The following HMGA2 variants were observed in gnomAD, a reference collection of about 807,000 sequenced individuals.
The protein encoded by HMGA2 is high mobility group AT-hook 2, also known as high mobility group protein HMGI-C.
In HMGA2, 8 loss-of-function variants were observed where a neutral mutation model predicts 19.1. That is an observed-to-expected ratio of 0.42 (90% CI 0.25 to 0.76). HMGA2 has a LOEUF of 0.76. Ranked by LOEUF, HMGA2 falls within the 30% of genes least tolerant of loss-of-function variation. HMGA2 has a pLI of 0.28. For synonymous variants in HMGA2, 60 were observed against 48.8 expected (o/e 1.23, Z -0.96); for missense variants, 109 against 136.3 (o/e 0.80, Z 1.00).
chr12:65,893,544 C>T (rs1874002618), intron 3 of HMGA2, among the ~76,000 whole-genome samples: 1 of 152,152 alleles, frequency 6.6e-6, no homozygotes, highest in South Asian at 2.1e-4. Flanking sequence ...AAACCACCTC[C>T]TTGTTAGAGA....
intron 3 of HMGA2, among the ~76,000 whole-genome samples, chr12:65,905,297 T>G (rs752129992): frequency 9.9e-5 from 15 of 152,100 alleles, no homozygotes; most frequent in Admixed American, 3.3e-4. Flanking sequence ...GAAATTGCCG[T>G]TTTTGTAGGT....
rs1198503538 is a variant in HMGA2, at chr12:65,964,334, TCTCTCTTC to T, written c.*1048_*1055del. 7.1e-5 allele frequency: 15 copies of T among 211,562 alleles called. No homozygotes were observed. In the East Asian group the frequency reaches 1.1e-3, roughly 15 times the overall value. The allele number at this position is 211,562 out of a possible 1,614,324, so 13.1% of individuals were successfully genotyped here. ...CAATCTCTCTCTGTGTCTTTCTCTC[TCTCTCTTC>T]CTCTCCCTCTCTCTTTTCATTGTGT... On this transcript the variant is annotated 3_prime_UTR_variant, in exon 5 of 5. Coordinates refer to ENST00000403681, the MANE Select transcript of HMGA2 (RefSeq NM_003483.6).
Position 65,965,872 on chromosome 12 carries a change from A to G in HMGA2, c.*2580A>G, listed in dbSNP as rs1876893790. 9.3e-6 allele frequency: 2 copies of G among 214,676 alleles called. No individual in the cohort carries two copies. Among genetic ancestry groups the G allele is most frequent in the South Asian group, 3.7e-4 (2 of 5,340 alleles). 13.3% of individuals were successfully genotyped at this position (214,676 alleles called of 1,614,324 possible). ...TACTGAAAAAAAAAGCTTGTGGCCA[A>G]TGGAACAGTAAGAACATCATAAAAT... is the stretch of plus-strand genomic sequence containing the variant. On this transcript the variant is annotated 3_prime_UTR_variant, in exon 5 of 5. Coordinates refer to ENST00000403681, the MANE Select transcript of HMGA2 (RefSeq NM_003483.6).
rs2120891888 is a variant in HMGA2, at chr12:65,842,450, T to C, written c.249+3881T>C. ...ACCAGTAGTTACACATAGAATGAAG[T>C]AACAGAGTTATATGTCAGACTAACC... is the stretch of plus-strand genomic sequence containing the variant. On this transcript the variant is annotated intron_variant, in intron 3 of 4. Transcript: ENST00000403681. 3 of 696,924 alleles carry C rather than the reference T, an allele frequency of 4.3e-6. No homozygotes were observed. The East Asian group carries it at 8.2e-5, about 19-fold the overall frequency. 43.2% of individuals were successfully genotyped at this position (696,924 alleles called of 1,614,324 possible).
chr12:65,882,218 T>G, intron 3 of HMGA2: 1 of 328,390 alleles, frequency 3.0e-6, no homozygotes, highest in East Asian at 7.4e-5. Flanking sequence ...CGGAGGCTCC[T>G]GCCAGTTGGC....
intron 3 of HMGA2, among the ~76,000 whole-genome samples, chr12:65,903,045 G>T (rs7978243): frequency 0.085 from 12,924 of 152,092 alleles, 870 homozygotes; most frequent in African/African-American, 0.19. Context: ...TGGTCTAAAT[G>T]TTGCCCTAGT....
At chr12:65,930,549 C>T (rs567318288) in intron 3 of HMGA2, among the ~76,000 whole-genome samples, 73 of 152,312 alleles carry the variant, frequency 4.8e-4, no homozygotes, top group African/African-American at 1.6e-3. Flanking sequence ...GGAAAATGGA[C>T]ACCGGCCTCT....
At chr12:65,886,199 A>G (rs1438614124) in intron 3 of HMGA2, among the ~76,000 whole-genome samples, 1 of 152,146 alleles carries the variant, frequency 6.6e-6, no homozygotes, top group East Asian at 1.9e-4. Context: ...AAAACTGTTC[A>G]TTGACTAAAT....
chr12:65,939,387 GCT>G (rs1876007739), intron 3 of HMGA2, among the ~76,000 whole-genome samples: 1 of 149,868 alleles, frequency 6.7e-6, no homozygotes, highest in Admixed American at 6.7e-5. Flanking sequence ...ACCGAGTCTC[GCT>G]CTGTCACCCA....
At chr12:65,853,198 G>T (rs934595917) in intron 3 of HMGA2, among the ~76,000 whole-genome samples, 1 of 152,134 alleles carries the variant, frequency 6.6e-6, no homozygotes, top group African/African-American at 2.4e-5. Context: ...GACTGTCTAA[G>T]AGCACTGAAA....
intron 4 of HMGA2, chr12:65,954,964 G>T (rs934986584): frequency 6.6e-6 from 1 of 152,096 alleles, no homozygotes; most frequent in Admixed American, 6.6e-5. Context: ...CAACACTTTG[G>T]GAGGTCAGGA....
intron 3 of HMGA2, among the ~76,000 whole-genome samples, chr12:65,846,712 C>T (rs577699494): frequency 2.0e-5 from 3 of 152,180 alleles, no homozygotes; most frequent in Non-Finnish European, 2.9e-5. Context: ...GTTCTGAGAC[C>T]CTTTGATTTT....
At chr12:65,912,867 T>C (rs1874905019) in intron 3 of HMGA2, among the ~76,000 whole-genome samples, 1 of 152,188 alleles carries the variant, frequency 6.6e-6, no homozygotes, top group South Asian at 2.1e-4. Flanking sequence ...GTTTCTAAAA[T>C]GAGAACGTTA....
At chr12:65,862,922 G>A (rs1413852789) in intron 3 of HMGA2, among the ~76,000 whole-genome samples, 1 of 152,244 alleles carries the variant, frequency 6.6e-6, no homozygotes, top group Non-Finnish European at 1.5e-5. Flanking sequence ...ATGTGGACCA[G>A]TGGTCTTTAC....
At position 65,965,342 on chromosome 12, in the gene HMGA2, T is replaced by C. The variant is rs1388677055; in HGVS notation, c.*2050T>C. The C allele has an allele frequency of 2.4e-5, 5 of 205,818 alleles. No homozygotes were observed. The highest frequency in any genetic ancestry group is 2.0e-5 in the Non-Finnish European group (2 of 100,394). The allele number at this position is 205,818 out of a possible 1,614,324, so 12.7% of individuals were successfully genotyped here. On this transcript the variant is annotated 3_prime_UTR_variant, in exon 5 of 5. Coordinates refer to ENST00000403681, the MANE Select transcript of HMGA2 (RefSeq NM_003483.6). ...TATTTTAAACGCTTCTTATGTAGAG[T>C]TTTTATGCCTTTCTCTCCTAGTGAG...
chr12:65,844,308 T>A (rs1207096756), intron 3 of HMGA2, among the ~76,000 whole-genome samples: 1 of 152,190 alleles, frequency 6.6e-6, no homozygotes, highest in East Asian at 1.9e-4. Context: ...ACATGCTTAG[T>A]AATTAAATAT....
intron 1 of HMGA2, chr12:65,826,825 G>A (rs1006722987): frequency 3.3e-5 from 5 of 151,530 alleles, no homozygotes; most frequent in Admixed American, 2.6e-4. Context: ...GGGGTCTGGA[G>A]GTGATTGGAT....
intron 3 of HMGA2, among the ~76,000 whole-genome samples, chr12:65,937,120 T>TA (rs1875924317): frequency 6.6e-6 from 1 of 152,144 alleles, no homozygotes; most frequent in East Asian, 1.9e-4. Flanking sequence ...TTCTTTTATT[T>TA]AAAAAAATTA....
intron 4 of HMGA2, chr12:65,954,967 G>C (rs1271091729): frequency 6.6e-6 from 1 of 152,184 alleles, no homozygotes; most frequent in Non-Finnish European, 1.5e-5. Flanking sequence ...CACTTTGGGA[G>C]GTCAGGAGTT....
Sources: gnomAD v4.1 joint callset for allele counts (sites outside exome capture counted in the v4.1 genomes callset) on GRCh38, gnomAD v4.1.1 for gene constraint, MANE v1.5 for transcripts, NCBI Gene and HGNC (gene_info 2026-07-23, HGNC 2026-07-21) for gene names.